The following SNAP91 variants were observed in gnomAD, a reference collection of about 807,000 sequenced individuals.
The protein encoded by SNAP91 is clathrin coat assembly protein AP180.
SNAP91 carries 27 observed loss-of-function variants against 100.3 expected under a neutral mutation model. That is an observed-to-expected ratio of 0.27 (90% CI 0.20 to 0.37). SNAP91 has a LOEUF of 0.37. SNAP91 is among the 10% of genes least tolerant of loss of function. The pLI, the probability that SNAP91 is intolerant of heterozygous loss-of-function variation, is 1.00. For synonymous variants in SNAP91, 404 were observed against 398.6 expected (o/e 1.01, Z -0.16); for missense variants, 986 against 1,123.7 (o/e 0.88, Z 1.75).
In SNAP91 at chr6:83,593,710, C is replaced by A; in HGVS notation, c.1464G>T (p.Glu488Asp). 1 of 1,600,632 alleles carries A rather than the reference C, an allele frequency of 6.2e-7. No individual in the cohort carries two copies. The highest frequency in any genetic ancestry group is 8.5e-7 in the Non-Finnish European group (1 of 1,170,604). The change falls in exon 18 of 30, where the codon GAG becomes GAT. Residue 488 changes from glutamate to aspartate, a missense_variant. By Grantham distance (45) the Glu-to-Asp change is conservative (BLOSUM62 2). Around this residue, in one of 4 missense-constraint regions of SNAP91, gnomAD observed 575 missense variants for 579.9 expected, o/e 0.99. Coordinates refer to ENST00000369694, the MANE Select transcript of SNAP91 (RefSeq NM_001242792.2). ...CAAAGAGGTCCAGCTCAGGTGCAGC[C>A]TCTGCACTACCTTCAGACGGGGCAA... ...DPFAPSEGSA[E>D]AAPELDLFAM...
intron 2 of SNAP91, among the ~76,000 whole-genome samples, chr6:83,675,596 G>T (rs1420772262): frequency 1.3e-5 from 2 of 152,018 alleles, no homozygotes; most frequent in African/African-American, 4.8e-5. Flanking sequence ...TCAAAATTAG[G>T]AAACGCAGCA....
intron 2 of SNAP91, among the ~76,000 whole-genome samples, chr6:83,684,799 A>G (rs936859692): frequency 6.6e-6 from 1 of 152,208 alleles, no homozygotes; most frequent in Non-Finnish European, 1.5e-5. Flanking sequence ...ACTATTTAAT[A>G]TCACATTGAC....
At position 83,616,889 on chromosome 6, in the gene SNAP91, T is replaced by C. The variant is rs149737384; in HGVS notation, c.878+80A>G. On this transcript the variant is annotated intron_variant, in intron 10 of 29. Coordinates refer to ENST00000369694, the MANE Select transcript of SNAP91 (RefSeq NM_001242792.2). ...TACCCTAAAACTAGAGCAATATAAG[T>C]TGTACCATGATAAATCTCATTCTTA... 1,711 of 979,012 alleles carry C rather than the reference T, an allele frequency of 1.7e-3. 13 individuals are homozygous for C. The African/African-American group carries it at 0.024, about 14-fold the overall frequency. 60.6% of individuals were successfully genotyped at this position (979,012 alleles called of 1,614,324 possible).
At chr6:83,689,954 A>G (rs2099110754) in intron 2 of SNAP91, among the ~76,000 whole-genome samples, 1 of 151,812 alleles carries the variant, frequency 6.6e-6, no homozygotes, top group Admixed American at 6.6e-5. Context: ...TTTTCCTTTT[A>G]TTTCCTTTCT....
intron 7 of SNAP91, among the ~76,000 whole-genome samples, chr6:83,641,697 T>A (rs2097709842): frequency 6.6e-6 from 1 of 152,234 alleles, no homozygotes; most frequent in African/African-American, 2.4e-5. Flanking sequence ...TTGCTTTTAT[T>A]GGTCATAAAT....
chr6:83,672,538 T>C (rs1181741127), intron 2 of SNAP91, among the ~76,000 whole-genome samples: 3 of 152,136 alleles, frequency 2.0e-5, no homozygotes, highest in Non-Finnish European at 1.5e-5. Flanking sequence ...TTAGTCTACA[T>C]AGGTCTCTCC....
In SNAP91 at chr6:83,594,429, G is replaced by T. The variant is rs767056552; in HGVS notation, c.1377C>A (p.Ala459=). 4.5e-6 allele frequency: 7 copies of T among 1,552,240 alleles called. No individual in the cohort carries two copies. The East Asian group carries it at 1.5e-4, about 32-fold the overall frequency. Residue 459 remains alanine, a synonymous_variant, in exon 17 of 30, where the codon GCC becomes GCA. Transcript: ENST00000369694. The part of the protein sequence containing the change: ...GEAPAASEGA[A]APATPTPVAA... ...CTACAGGGGTTGGGGTAGCTGGTGC[G>T]GCGGCCCCTTCGGATGCTGCAGGGG...
intron 16 of SNAP91, among the ~76,000 whole-genome samples, chr6:83,599,917 T>A (rs2094965112): frequency 6.6e-6 from 1 of 152,084 alleles, no homozygotes; most frequent in South Asian, 2.1e-4. Flanking sequence ...CCCAAGTAGC[T>A]TGGACTACAG....
chr6:83,602,404 A>G (rs1487014614), intron 14 of SNAP91, among the ~76,000 whole-genome samples: 3 of 152,208 alleles, frequency 2.0e-5, no homozygotes, highest in African/African-American at 7.2e-5. Flanking sequence ...GTCCTTGGAA[A>G]TGAGACCATC....
At chr6:83,675,155 A>G (rs1239903805) in intron 2 of SNAP91, among the ~76,000 whole-genome samples, 1 of 152,240 alleles carries the variant, frequency 6.6e-6, no homozygotes, top group Non-Finnish European at 1.5e-5. Context: ...GCAAGTAAGA[A>G]AAGAATAGAC....
chr6:83,603,867 T>C (rs1008827942), intron 14 of SNAP91, among the ~76,000 whole-genome samples: 2 of 152,202 alleles, frequency 1.3e-5, no homozygotes, highest in Non-Finnish European at 2.9e-5. Context: ...GGTATGTTAA[T>C]GTTTCAATCA....
intron 28 of SNAP91, among the ~76,000 whole-genome samples, chr6:83,557,946 T>C (rs896117452): frequency 6.6e-6 from 1 of 151,800 alleles, no homozygotes; most frequent in Non-Finnish European, 1.5e-5. Flanking sequence ...ATTATGCTTC[T>C]TCTCTGATAT....
At chr6:83,640,284 T>G (rs1433348899) in intron 8 of SNAP91, among the ~76,000 whole-genome samples, 1 of 152,154 alleles carries the variant, frequency 6.6e-6, no homozygotes, top group Non-Finnish European at 1.5e-5. Flanking sequence ...CAGTATATTC[T>G]CAAAATGACA....
chr6:83,555,248 A>T (rs903451894), intron 29 of SNAP91, among the ~76,000 whole-genome samples: 1 of 152,040 alleles, frequency 6.6e-6, no homozygotes, highest in Non-Finnish European at 1.5e-5. Context: ...TCAAGAATCC[A>T]CAAAAATCTT....
chr6:83,615,869 T>C (rs1187500526), intron 10 of SNAP91, among the ~76,000 whole-genome samples: 1 of 152,216 alleles, frequency 6.6e-6, no homozygotes, highest in African/African-American at 2.4e-5. Flanking sequence ...AGTTGCATTT[T>C]GATAGCTCTG....
At chr6:83,631,390 T>C (rs1161788543) in intron 8 of SNAP91, among the ~76,000 whole-genome samples, 2 of 152,186 alleles carry the variant, frequency 1.3e-5, no homozygotes, top group East Asian at 3.8e-4. Context: ...ATTCATTGTT[T>C]CTTTGTTGAC....
chr6:83,672,867 TCTCC>T (rs1042160869), intron 2 of SNAP91, among the ~76,000 whole-genome samples: 1 of 152,122 alleles, frequency 6.6e-6, no homozygotes, highest in Non-Finnish European at 1.5e-5. Context: ...TTTTAAAATC[TCTCC>T]CTAAGTTTAA....
intron 7 of SNAP91, among the ~76,000 whole-genome samples, chr6:83,646,339 G>C (rs2097916064): frequency 6.6e-6 from 1 of 152,076 alleles, no homozygotes; most frequent in African/African-American, 2.4e-5. Context: ...TTACCTTCCA[G>C]GATGTTTATA....
At chr6:83,659,201 C>A (rs2098477836) in intron 5 of SNAP91, 109 bp from the exon 6 acceptor site, 3 of 772,114 alleles carry the variant, frequency 3.9e-6, no homozygotes, top group South Asian at 3.6e-5. Context: ...CCTTATTAAT[C>A]CTGTGGGATC....
Sources: allele counts gnomAD v4.1 joint callset (sites outside exome capture counted in the v4.1 genomes callset), GRCh38; gene constraint gnomAD v4.1.1; regional missense constraint gnomAD v4.1.1; transcripts MANE v1.5; gene names NCBI Gene and HGNC (gene_info 2026-07-23, HGNC 2026-07-21).